SMYD3: variants seen among roughly 807,000 people sequenced by gnomAD.
The protein encoded by SMYD3 is histone-lysine N-methyltransferase SMYD3.
A neutral mutation model predicts 57.7 loss-of-function variants in SMYD3; 36 were observed. The observed-to-expected ratio is 0.62, with a 90% confidence interval of 0.48 to 0.82. The LOEUF (loss-of-function observed/expected upper bound fraction) is 0.82. Among genes scored for constraint, SMYD3 ranks in the 40% least tolerant of loss-of-function variants. The pLI, the probability that SMYD3 is intolerant of heterozygous loss-of-function variation, is 0.00. For missense variants in SMYD3, 515 were observed against 538.8 expected (o/e 0.96, Z 0.44); for synonymous variants, 211 against 195.0 (o/e 1.08, Z -0.68).
intron 5 of SMYD3, among the ~76,000 whole-genome samples, chr1:246,270,365 G>A (rs540787068): frequency 2.0e-5 from 3 of 152,006 alleles, no homozygotes; most frequent in Non-Finnish European, 2.9e-5. Flanking sequence ...ATACACTTTA[G>A]TGTTACTAAA....
chr1:245,967,662 T>C (rs2058190550), intron 5 of SMYD3, among the ~76,000 whole-genome samples: 1 of 152,204 alleles, frequency 6.6e-6, no homozygotes, highest in Non-Finnish European at 1.5e-5. Context: ...GGAAGGTTCA[T>C]GACTGGGATG....
At chr1:246,412,747 A>T (rs1420772782) in intron 1 of SMYD3, among the ~76,000 whole-genome samples, 1 of 151,814 alleles carries the variant, frequency 6.6e-6, no homozygotes, top group Non-Finnish European at 1.5e-5. Flanking sequence ...AATCCCAGCT[A>T]CTTGGGAGGC....
At chr1:245,763,001 C>T (rs1053266873) in intron 11 of SMYD3, among the ~76,000 whole-genome samples, 5 of 152,276 alleles carry the variant, frequency 3.3e-5, no homozygotes, top group Admixed American at 1.3e-4. Flanking sequence ...GGAAGGGTCA[C>T]GGACTAGAGG....
chr1:245,753,430 T>C (rs1012010176), intron 11 of SMYD3, among the ~76,000 whole-genome samples: 2 of 152,210 alleles, frequency 1.3e-5, no homozygotes, highest in African/African-American at 4.8e-5. Flanking sequence ...TTAGTGACTG[T>C]GTGTGCGGAT....
intron 5 of SMYD3, among the ~76,000 whole-genome samples, chr1:246,273,165 G>C (rs554940380): frequency 7.4e-4 from 39 of 52,832 alleles, no homozygotes; most frequent in African/African-American, 4.0e-3. Flanking sequence ...TTTTTTTGGG[G>C]GGGGGACAGA....
At chr1:246,421,828 G>T (rs2067147237) in intron 1 of SMYD3, among the ~76,000 whole-genome samples, 1 of 152,208 alleles carries the variant, frequency 6.6e-6, no homozygotes, top group South Asian at 2.1e-4. Flanking sequence ...CTGAATCTGA[G>T]TCAGAAGCCC....
At chr1:245,960,568 GAC>G (rs994785581) in intron 5 of SMYD3, among the ~76,000 whole-genome samples, 1 of 151,968 alleles carries the variant, frequency 6.6e-6, no homozygotes, top group Admixed American at 6.6e-5. Context: ...ACGAAAAAAA[GAC>G]ACAAAAATTA....
At chr1:245,780,813 C>A (rs773480097) in intron 10 of SMYD3, among the ~76,000 whole-genome samples, 3 of 152,128 alleles carry the variant, frequency 2.0e-5, no homozygotes, top group Non-Finnish European at 4.4e-5. Flanking sequence ...ATGTTTACAG[C>A]AGCATTACTC....
At position 245,927,946 on chromosome 1, in the gene SMYD3, G is replaced by A. The variant is rs765301713; in HGVS notation, c.687C>T (p.Ile229=). 3 of 1,611,546 alleles carry A rather than the reference G, an allele frequency of 1.9e-6. No individual in the cohort carries two copies. The highest frequency in any genetic ancestry group is 2.5e-6 in the Non-Finnish European group (3 of 1,178,532). The change falls in exon 7 of 12, where the codon ATC becomes ATT. Residue 229 remains isoleucine (I), a synonymous_variant. Coordinates refer to ENST00000490107, the MANE Select transcript of SMYD3 (RefSeq NM_001167740.2). ...GTTTCCTTACCTCCTCTCCCACCTC[G>A]ATGTCTCGGACTGCTCGCAGTAAGA... The part of the protein sequence containing the change: ...PHLLLRAVRD[I]EVGEELTICY...
Position 246,408,945 on chromosome 1 carries a change from C to T in SMYD3, c.165-53851G>A, listed in dbSNP as rs372380119. On this transcript the variant is annotated intron_variant, in intron 1 of 11. Transcript: ENST00000490107. ...TCGGTCTCCCAAAGTGTTGGGATTA[C>T]AGGCGTGAGCCACCGCACCCAGCCA... Among the ~76,000 whole-genome samples the T allele has an allele frequency of 3.1e-3, 469 of 152,302 alleles. 14 individuals are homozygous for T. The highest frequency in any genetic ancestry group is 0.017 in the East Asian group (89 of 5,182).
chr1:245,999,291 C>T lies in SMYD3; in HGVS notation c.532-69354G>A, dbSNP rs190840408. Among the ~76,000 whole-genome samples, 8 of 152,158 alleles carry T rather than the reference C, an allele frequency of 5.3e-5. No homozygotes were observed. The East Asian group carries it at 1.5e-3, about 29-fold the overall frequency. ...TTGCAAAAAGCACACAGAATAATAA[C>T]ATTAGCAATGCTGCCATATTAACTG... On this transcript the variant is annotated intron_variant, in intron 5 of 11. Transcript: ENST00000490107.
intron 10 of SMYD3, among the ~76,000 whole-genome samples, chr1:245,765,252 C>T (rs1376093721): frequency 1.3e-5 from 2 of 151,422 alleles, no homozygotes. Flanking sequence ...CAAAAATGAG[C>T]CAGGTGTAGT....
intron 5 of SMYD3, among the ~76,000 whole-genome samples, chr1:246,212,696 GT>G (rs1308013939): frequency 1.3e-5 from 2 of 152,088 alleles, no homozygotes; most frequent in Non-Finnish European, 2.9e-5. Context: ...GTACTGCCAA[GT>G]TGAATGATAG....
At chr1:246,233,287 G>A (rs1572250940) in intron 5 of SMYD3, among the ~76,000 whole-genome samples, 2 of 116,476 alleles carry the variant, frequency 1.7e-5, no homozygotes, top group Admixed American at 9.4e-5. Context: ...CCACACAGAG[G>A]AGAAGCGCTC....
chr1:246,426,483 T>C (rs770148997), intron 1 of SMYD3, among the ~76,000 whole-genome samples: 39 of 152,224 alleles, frequency 2.6e-4, no homozygotes, highest in Non-Finnish European at 4.0e-4. Context: ...TTGCCTGTTG[T>C]GGATATTTTA....
chr1:245,969,345 T>G (rs931097045), intron 5 of SMYD3, among the ~76,000 whole-genome samples: 1 of 152,230 alleles, frequency 6.6e-6, no homozygotes, highest in Non-Finnish European at 1.5e-5. Context: ...ACATGGACAC[T>G]GTTCTGCCAG....
intron 10 of SMYD3, among the ~76,000 whole-genome samples, chr1:245,805,450 A>T (rs1471410941): frequency 6.6e-6 from 1 of 152,214 alleles, no homozygotes; most frequent in African/African-American, 2.4e-5. Context: ...AATGTTTCTA[A>T]TCAGTTTTGT....
At chr1:246,246,772 G>A (rs1481103384) in intron 5 of SMYD3, among the ~76,000 whole-genome samples, 7 of 151,194 alleles carry the variant, frequency 4.6e-5, no homozygotes, top group African/African-American at 1.5e-4. Flanking sequence ...CCAAATAACA[G>A]TATTTCTGCA....
intron 5 of SMYD3, among the ~76,000 whole-genome samples, chr1:246,094,870 C>T (rs887083728): frequency 2.6e-5 from 4 of 152,148 alleles, no homozygotes; most frequent in South Asian, 2.1e-4. Context: ...GAGCGTATCT[C>T]GGAGCCTCTC....
Sources: gnomAD v4.1 joint callset for allele counts (sites outside exome capture counted in the v4.1 genomes callset) on GRCh38, gnomAD v4.1.1 for gene constraint, MANE v1.5 for transcripts, NCBI Gene and HGNC (gene_info 2026-07-23, HGNC 2026-07-21) for gene names.